MIGA1: variants seen among roughly 807,000 people sequenced by gnomAD.
MIGA1 encodes the protein mitoguardin 1, also known as family with sequence similarity 73, member A.
MIGA1 carries 58 observed loss-of-function variants against 82.0 expected under a neutral mutation model. That is an observed-to-expected ratio of 0.71 (90% CI 0.57 to 0.88). The LOEUF is 0.88. Ranked by LOEUF, MIGA1 falls within the 40% of genes least tolerant of loss-of-function variation. The probability of loss-of-function intolerance (pLI) is 0.00; values close to 1 mark genes in which losing one functional copy is unlikely to be tolerated. For missense variants in MIGA1, 751 were observed against 749.1 expected (o/e 1.00, Z -0.03); for synonymous variants, 249 against 253.6 (o/e 0.98, Z 0.17).
chr1:77,839,994 A>C (rs1570981956), intron 7 of MIGA1, among the ~76,000 whole-genome samples: 2 of 152,142 alleles, frequency 1.3e-5, no homozygotes, highest in East Asian at 3.8e-4. Context: ...CAGCCTCCCA[A>C]AGTGCTGGAA....
chr1:77,819,793 G>T (rs1339158695), intron 7 of MIGA1, among the ~76,000 whole-genome samples: 1 of 151,982 alleles, frequency 6.6e-6, no homozygotes, highest in Non-Finnish European at 1.5e-5. Flanking sequence ...TGTTACCCAG[G>T]CTGGTCTCAA....
intron 5 of MIGA1, among the ~76,000 whole-genome samples, chr1:77,808,000 A>G (rs758968397): frequency 6.6e-6 from 1 of 151,856 alleles, no homozygotes; most frequent in Non-Finnish European, 1.5e-5. Context: ...TTGTATTTTT[A>G]GTAGAGATGG....
At chr1:77,779,912 C>G in intron 1 of MIGA1, 176 bp downstream of exon 1, 4 of 1,396,130 alleles carry the variant, frequency 2.9e-6, no homozygotes, top group Non-Finnish European at 3.7e-6. Flanking sequence ...ACGGCCGTGC[C>G]ACCCTGAACA....
At chr1:77,830,832 T>A (rs112052934) in intron 7 of MIGA1, among the ~76,000 whole-genome samples, 60 of 152,310 alleles carry the variant, frequency 3.9e-4, no homozygotes, top group Middle Eastern at 3.4e-3. Flanking sequence ...ATTTATTTGC[T>A]GTGTACCTGA....
chr1:77,821,219 C>G (rs1190718315), intron 7 of MIGA1, among the ~76,000 whole-genome samples: 1 of 151,736 alleles, frequency 6.6e-6, no homozygotes, highest in Non-Finnish European at 1.5e-5. Flanking sequence ...TTATGGTTAA[C>G]TAAAATTTCT....
At chr1:77,814,125 G>A (rs1683483130) in intron 6 of MIGA1, among the ~76,000 whole-genome samples, 1 of 152,138 alleles carries the variant, frequency 6.6e-6, no homozygotes. Flanking sequence ...CTGGCCTCAG[G>A]CAGCACTTTC....
chr1:77,779,820 C>T (rs1371080559), intron 1 of MIGA1, 84 bp downstream of exon 1: 9 of 1,464,186 alleles, frequency 6.1e-6, no homozygotes, highest in Non-Finnish European at 8.1e-6. Context: ...GGGCAGAGGC[C>T]TCGGGGCAGG....
chr1:77,868,846 G>T (rs1030843866), intron 14 of MIGA1, among the ~76,000 whole-genome samples: 1 of 151,062 alleles, frequency 6.6e-6, no homozygotes, highest in Admixed American at 6.6e-5. Context: ...CTTTTCACAT[G>T]TTTAAAATGA....
At chr1:77,817,529 T>A (rs1683615879) in intron 7 of MIGA1, among the ~76,000 whole-genome samples, 1 of 152,278 alleles carries the variant, frequency 6.6e-6, no homozygotes, top group Non-Finnish European at 1.5e-5. Flanking sequence ...GGCCTCCTGT[T>A]GCCCTGGAGA....
At chr1:77,827,409 G>A (rs1192476256) in intron 7 of MIGA1, among the ~76,000 whole-genome samples, 1 of 152,046 alleles carries the variant, frequency 6.6e-6, no homozygotes, top group African/African-American at 2.4e-5. Context: ...TGGAAATCGA[G>A]GCCGCAGTGA....
intron 5 of MIGA1, among the ~76,000 whole-genome samples, chr1:77,809,264 A>T (rs1683222814): frequency 6.6e-6 from 1 of 152,158 alleles, no homozygotes; most frequent in South Asian, 2.1e-4. Flanking sequence ...ATCATCACCC[A>T]TCTGTTTCAA....
At chr1:77,870,759 C>T (rs1367319307) in intron 14 of MIGA1, among the ~76,000 whole-genome samples, 1 of 150,274 alleles carries the variant, frequency 6.7e-6, no homozygotes, top group Non-Finnish European at 1.5e-5. Context: ...TTGTAGCGAG[C>T]CGAGATCACG....
At chr1:77,850,957 C>T (rs1281117109) in intron 8 of MIGA1, among the ~76,000 whole-genome samples, 4 of 152,082 alleles carry the variant, frequency 2.6e-5, no homozygotes, top group African/African-American at 7.2e-5. Flanking sequence ...GCAACCTCTA[C>T]CTCCCGTGTT....
chr1:77,871,133 A>AGGGAGG (rs1685979109), intron 14 of MIGA1, among the ~76,000 whole-genome samples: 1 of 136,394 alleles, frequency 7.3e-6, no homozygotes. Context: ...GAGGAGGGAG[A>AGGGAGG]GGGAGAGGGC....
intron 2 of MIGA1, among the ~76,000 whole-genome samples, chr1:77,786,376 T>A (rs1399913789): frequency 6.6e-6 from 1 of 152,220 alleles, no homozygotes; most frequent in Non-Finnish European, 1.5e-5. Context: ...ACATTTGGCT[T>A]CTCTTTACTT....
chr1:77,811,840 G>A (rs554590246), intron 5 of MIGA1: 54 of 1,482,812 alleles, frequency 3.6e-5, no homozygotes, highest in South Asian at 6.9e-5. Flanking sequence ...GTTCTAGGGC[G>A]CCATCCTCCC....
intron 8 of MIGA1, 80 bp downstream of exon 8, chr1:77,843,487 A>C: frequency 9.3e-7 from 1 of 1,073,762 alleles, no homozygotes. Flanking sequence ...ACTGTAATTC[A>C]GTTTGGTCAC....
intron 5 of MIGA1, chr1:77,811,066 A>G: frequency 6.2e-7 from 1 of 1,613,408 alleles, no homozygotes; most frequent in Admixed American, 1.7e-5. Flanking sequence ...TTCAAAGAAG[A>G]TAGCTGCACC....
chr1:77,781,215 T>A (rs2101670271), intron 1 of MIGA1, among the ~76,000 whole-genome samples: 1 of 152,314 alleles, frequency 6.6e-6, no homozygotes, highest in East Asian at 1.9e-4. Flanking sequence ...GGCCGAGGTT[T>A]GTCATAATCT....
Sources: gnomAD v4.1 joint callset for allele counts (sites outside exome capture counted in the v4.1 genomes callset) on GRCh38, gnomAD v4.1.1 for gene constraint, MANE v1.5 for transcripts, NCBI Gene and HGNC (gene_info 2026-07-23, HGNC 2026-07-21) for gene names.